The following IMPG1 variants were observed in gnomAD, a reference collection of about 807,000 sequenced individuals.
The protein encoded by IMPG1 is interphotoreceptor matrix proteoglycan 1.
Under a neutral mutation model 92.0 loss-of-function variants are expected in IMPG1, and 85 were observed. That is an observed-to-expected ratio of 0.92 (90% CI 0.78 to 1.11). The LOEUF is 1.11. Among genes scored for constraint, IMPG1 ranks in the 50% least tolerant of loss-of-function variants. The probability of loss-of-function intolerance (pLI) is 0.00; values close to 1 mark genes in which losing one functional copy is unlikely to be tolerated. For synonymous variants in IMPG1, 367 were observed against 334.1 expected (o/e 1.10, Z -1.08); for missense variants, 1,022 against 956.0 (o/e 1.07, Z -0.91).
chr6:76,021,764 T>A (rs1243181418), intron 6 of IMPG1, among the ~76,000 whole-genome samples: 1 of 127,508 alleles, frequency 7.8e-6, no homozygotes, highest in Non-Finnish European at 1.7e-5. Context: ...TCATTCATTC[T>A]AACACTTGGA....
intron 4 of IMPG1, among the ~76,000 whole-genome samples, chr6:76,033,985 T>C (rs1342234621): frequency 6.6e-6 from 1 of 152,198 alleles, no homozygotes; most frequent in East Asian, 1.9e-4. Flanking sequence ...TAACTAATAG[T>C]TTACCATAAA....
chr6:75,975,645 T>C (rs1782520967), intron 12 of IMPG1, among the ~76,000 whole-genome samples: 1 of 152,238 alleles, frequency 6.6e-6, no homozygotes, highest in Non-Finnish European at 1.5e-5. Flanking sequence ...ATTTCAACAT[T>C]ACATTTTATT....
At chr6:76,019,839 A>G (rs887760375) in intron 6 of IMPG1, among the ~76,000 whole-genome samples, 1 of 152,196 alleles carries the variant, frequency 6.6e-6, no homozygotes, top group African/African-American at 2.4e-5. Context: ...GTGAAATGAA[A>G]TATTCTGGGG....
At chr6:76,051,667 T>C (rs1361466889) in intron 1 of IMPG1, among the ~76,000 whole-genome samples, 1 of 152,196 alleles carries the variant, frequency 6.6e-6, no homozygotes, top group Non-Finnish European at 1.5e-5. Flanking sequence ...GTGGATGTTA[T>C]ACCATTTCCC....
chr6:76,005,509 T>C lies in IMPG1; in HGVS notation c.913A>G (p.Thr305Ala). 2.5e-6 allele frequency: 4 copies of C among 1,613,980 alleles called. No homozygotes were observed. Among genetic ancestry groups the C allele is most frequent in the Non-Finnish European group, 3.4e-6 (4 of 1,179,928 alleles). The change falls in exon 10 of 17, where the codon ACG (threonine) becomes GCG (alanine). Residue 305 changes from threonine (T) to alanine (A), a missense_variant. Physicochemically the swap from Thr to Ala is moderately conservative, Grantham distance 58 (BLOSUM62 0). Coordinates refer to ENST00000369950, the MANE Select transcript of IMPG1 (RefSeq NM_001563.4). Reference protein sequence around the residue: ...DGSSSTEMQLTAIFKRHSAEA... With the variant: ...DGSSSTEMQLAAIFKRHSAEA... ...GCACTGTGTCTCTTAAAGATGGCCG[T>C]AAGTTGCATCTCTGTGGAGCTTGAG...
intron 1 of IMPG1, among the ~76,000 whole-genome samples, chr6:76,055,579 T>G (rs1224979295): frequency 6.6e-6 from 1 of 151,466 alleles, no homozygotes; most frequent in African/African-American, 2.4e-5. Flanking sequence ...AAAGAGATCA[T>G]AAATATAAAT....
At chr6:76,022,449 C>T (rs753123029) in intron 5 of IMPG1, among the ~76,000 whole-genome samples, 7 of 152,144 alleles carry the variant, frequency 4.6e-5, no homozygotes, top group Non-Finnish European at 8.8e-5. Flanking sequence ...TGGTGCTTCC[C>T]TGTATGTGTT....
chr6:76,013,134 G>T (rs1333125658), intron 7 of IMPG1, among the ~76,000 whole-genome samples: 1 of 152,118 alleles, frequency 6.6e-6, no homozygotes, highest in East Asian at 1.9e-4. Flanking sequence ...GAAGGAGAAG[G>T]TATCTCCTTG....
chr6:76,007,599 A>T, intron 8 of IMPG1, 99 bp from the exon 9 acceptor site: 2 of 781,110 alleles, frequency 2.6e-6, no homozygotes, highest in Non-Finnish European at 4.0e-6. Flanking sequence ...CAAAAGAAAA[A>T]AATATTTCTT....
At chr6:76,070,209 C>T (rs1039938759) in intron 1 of IMPG1, among the ~76,000 whole-genome samples, 2 of 152,008 alleles carry the variant, frequency 1.3e-5, no homozygotes, top group East Asian at 1.9e-4. Flanking sequence ...TACAAATGGC[C>T]AACAAACATA....
At chr6:75,939,827 T>C (rs1335344225) in intron 14 of IMPG1, among the ~76,000 whole-genome samples, 2 of 152,206 alleles carry the variant, frequency 1.3e-5, no homozygotes, top group African/African-American at 4.8e-5. Flanking sequence ...GAGCCTAACA[T>C]TGGAGGGCGC....
chr6:75,963,227 C>T (rs1030257215), intron 12 of IMPG1, among the ~76,000 whole-genome samples: 8 of 151,952 alleles, frequency 5.3e-5, no homozygotes, highest in Non-Finnish European at 1.0e-4. Flanking sequence ...AACTCTTTAC[C>T]TACAATAATG....
intron 1 of IMPG1, among the ~76,000 whole-genome samples, chr6:76,051,801 G>A (rs1446670584): frequency 1.3e-5 from 2 of 152,072 alleles, no homozygotes; most frequent in Admixed American, 6.6e-5. Flanking sequence ...CAAATAATTA[G>A]AGTGGTTGCA....
chr6:75,922,712 A>G (rs1239343289), intron 16 of IMPG1, among the ~76,000 whole-genome samples: 1 of 152,130 alleles, frequency 6.6e-6, no homozygotes. Context: ...CCTGTGTCCT[A>G]TTGTCATTTT....
chr6:76,036,471 T>G (rs1002034882), intron 2 of IMPG1, among the ~76,000 whole-genome samples: 1 of 152,204 alleles, frequency 6.6e-6, no homozygotes, highest in African/African-American at 2.4e-5. Flanking sequence ...CTATATGTGT[T>G]TAGTTTTAAT....
intron 8 of IMPG1, among the ~76,000 whole-genome samples, chr6:76,010,635 A>G (rs960783017): frequency 2.0e-5 from 3 of 152,176 alleles, no homozygotes; most frequent in Non-Finnish European, 4.4e-5. Context: ...CATAAAAGGT[A>G]TATTTTAGAA....
chr6:75,974,330 CCTTTCTTTCTTT>C (rs558072098), intron 12 of IMPG1, among the ~76,000 whole-genome samples: 3,614 of 98,208 alleles, frequency 0.037, 113 homozygotes, highest in Middle Eastern at 0.058. Context: ...TCTTTCTTTC[CCTTTCTTTCTTT>C]CTTTCTTTCT....
rs774808525 is a variant in IMPG1, at chr6:76,041,995, G to A, written c.199C>T (p.Arg67Ter). ...MRRIFDLAKHRTKRSAFFPTG... is the reference protein window; with the variant it reads ...MRRIFDLAKH The stretch of plus-strand genomic sequence containing the variant: ...GGGAAAAATGCGGATCTTTTTGTTC[G>A]ATGCTTTGCCAAATCGAATATTCGT... Residue 67 changes from arginine to a stop codon, truncating the protein, a stop_gained, in exon 2 of 17, where the codon CGA becomes TGA. Coordinates refer to ENST00000369950, the MANE Select transcript of IMPG1 (RefSeq NM_001563.4). LOFTEE classifies it high-confidence loss of function. The A allele has an allele frequency of 3.1e-6, 5 of 1,613,758 alleles. No homozygotes were observed. In the South Asian group the frequency reaches 4.4e-5, roughly 14 times the overall value.
At chr6:75,984,277 T>C (rs563536040) in intron 12 of IMPG1, among the ~76,000 whole-genome samples, 1 of 152,360 alleles carries the variant, frequency 6.6e-6, no homozygotes, top group South Asian at 2.1e-4. Flanking sequence ...CCATGTTCTT[T>C]GTAGCATTAT....
Sources: gnomAD v4.1 joint callset for allele counts (sites outside exome capture counted in the v4.1 genomes callset) on GRCh38, gnomAD v4.1.1 for gene constraint, MANE v1.5 for transcripts, NCBI Gene and HGNC (gene_info 2026-07-23, HGNC 2026-07-21) for gene names.